Variants in PLSCR1 observed in about 807,000 individuals in gnomAD.
PLSCR1 encodes the protein PL scramblase 1.
Under a neutral mutation model 37.8 loss-of-function variants are expected in PLSCR1, and 17 were observed. That is an observed-to-expected ratio of 0.45 (90% CI 0.31 to 0.68). PLSCR1 has a LOEUF of 0.68. Ranked by LOEUF, PLSCR1 falls within the 30% of genes least tolerant of loss-of-function variation. The probability of loss-of-function intolerance (pLI) is 0.06; values close to 1 mark genes in which losing one functional copy is unlikely to be tolerated. For missense variants in PLSCR1, 347 were observed against 380.9 expected (o/e 0.91, Z 0.74); for synonymous variants, 116 against 125.9 (o/e 0.92, Z 0.53).
intron 5 of PLSCR1, among the ~76,000 whole-genome samples, chr3:146,522,653 C>T (rs1363890793): frequency 6.6e-6 from 1 of 152,144 alleles, no homozygotes; most frequent in Admixed American, 6.5e-5. Flanking sequence ...AGGGAAAGAC[C>T]TGACCGTCCA....
intron 5 of PLSCR1, among the ~76,000 whole-genome samples, chr3:146,524,616 T>C (rs1343761189): frequency 1.3e-5 from 2 of 152,120 alleles, no homozygotes; most frequent in African/African-American, 4.8e-5. Context: ...TTGGATTTTA[T>C]AGCCTTACTA....
chr3:146,518,479 T>A (rs2043975707), intron 7 of PLSCR1, among the ~76,000 whole-genome samples: 1 of 152,296 alleles, frequency 6.6e-6, no homozygotes, highest in South Asian at 2.1e-4. Flanking sequence ...TGTGGTGAAA[T>A]AAACTAATAC....
At chr3:146,542,235 A>G (rs1200863316) in intron 1 of PLSCR1, among the ~76,000 whole-genome samples, 1 of 152,136 alleles carries the variant, frequency 6.6e-6, no homozygotes, top group Non-Finnish European at 1.5e-5. Flanking sequence ...AGTTCCCTCC[A>G]GCCCAGGACT....
rs918720069 is a variant in PLSCR1, at chr3:146,528,515, C to T, written c.312+99G>A. On this transcript the variant is annotated intron_variant, in intron 4 of 8. Transcript: ENST00000342435. The stretch of plus-strand genomic sequence containing the variant: ...TCTGTTAGCAGAAAATACAGTTTTG[C>T]TATTTCAGACTTTGGTGAATTATTC... 1.2e-5 allele frequency: 11 copies of T among 945,376 alleles called. No homozygotes were observed. In the African/African-American group the frequency reaches 1.6e-4, roughly 14 times the overall value. The allele number at this position is 945,376 out of a possible 1,614,324, so 58.6% of individuals were successfully genotyped here.
chr3:146,525,522 T>A (rs2044095269), intron 5 of PLSCR1, 83 bp downstream of exon 5: 1 of 736,624 alleles, frequency 1.4e-6, no homozygotes, highest in Non-Finnish European at 2.4e-6. Flanking sequence ...AGTGAGAGTG[T>A]TATATTTGTG....
intron 3 of PLSCR1, among the ~76,000 whole-genome samples, chr3:146,530,697 A>G (rs971206400): frequency 2.8e-5 from 3 of 108,942 alleles, no homozygotes; most frequent in Non-Finnish European, 6.3e-5. Flanking sequence ...CAGGCGTAAA[A>G]GAGAGAGGAA....
chr3:146,528,958 TAC>T, intron 3 of PLSCR1, 127 bp from the exon 4 acceptor site: 1 of 659,624 alleles, frequency 1.5e-6, no homozygotes. Flanking sequence ...TGATGTTTAA[TAC>T]GCTTTTCTCT....
intron 2 of PLSCR1, among the ~76,000 whole-genome samples, chr3:146,535,057 T>C (rs917181112): frequency 6.6e-6 from 1 of 152,002 alleles, no homozygotes; most frequent in African/African-American, 2.4e-5. Flanking sequence ...CTGACCTAAC[T>C]CCCTAGTTCT....
intron 3 of PLSCR1, among the ~76,000 whole-genome samples, chr3:146,532,910 G>A (rs1297024564): frequency 1.3e-5 from 2 of 151,924 alleles, no homozygotes; most frequent in Admixed American, 1.3e-4. Flanking sequence ...AATACAGGGT[G>A]GAATCAGCAT....
chr3:146,537,205 G>A (rs1179168665), intron 1 of PLSCR1, among the ~76,000 whole-genome samples: 3 of 151,820 alleles, frequency 2.0e-5, no homozygotes, highest in East Asian at 1.9e-4. Context: ...CTTTGTACTC[G>A]GTATTTATAC....
At chr3:146,529,748 C>T (rs926679628) in intron 3 of PLSCR1, among the ~76,000 whole-genome samples, 4 of 152,052 alleles carry the variant, frequency 2.6e-5, no homozygotes, top group South Asian at 2.1e-4. Flanking sequence ...CTCCTGACCT[C>T]GTGATCTGCC....
intron 8 of PLSCR1, chr3:146,516,317 GAT>G (rs1258104811): frequency 5.2e-6 from 2 of 383,144 alleles, no homozygotes; most frequent in African/African-American, 4.2e-5. Flanking sequence ...TTCATTTATT[GAT>G]ACCTGTATGA....
chr3:146,525,618 A>G lies in PLSCR1; in HGVS notation c.342T>C (p.Ile114=), dbSNP rs778214660. 5 of 1,516,422 alleles carry G rather than the reference A, an allele frequency of 3.3e-6. No homozygotes were observed. The allele number at this position is 1,516,422 out of a possible 1,614,324, so 93.9% of individuals were successfully genotyped here. A position where few individuals can be genotyped will look rare whatever the true frequency, so the allele number is the denominator to read the frequency against. Residue 114 remains isoleucine, a synonymous_variant, in exon 5 of 9, where the codon ATT becomes ATC. Transcript: ENST00000342435. ...ATGAATACATACCTTCCAGAAGTTC[A>G]ATTTGCTGATGAATCAGTATCTGAT... ...QIDQILIHQQ[I]ELLEVLTGFE...
At chr3:146,516,664 C>G (rs2043951098) in intron 8 of PLSCR1, 1 of 185,936 alleles carries the variant, frequency 5.4e-6, no homozygotes. Context: ...GTAAAGTTTC[C>G]TTGTTTCACT....
intron 7 of PLSCR1, among the ~76,000 whole-genome samples, chr3:146,517,599 C>CTTA (rs1238232337): frequency 6.6e-6 from 1 of 152,104 alleles, no homozygotes; most frequent in Non-Finnish European, 1.5e-5. Flanking sequence ...GATGAAAAGG[C>CTTA]TTATTACTAC....
intron 4 of PLSCR1, among the ~76,000 whole-genome samples, chr3:146,526,221 A>G (rs967821286): frequency 2.0e-5 from 3 of 150,002 alleles, no homozygotes; most frequent in African/African-American, 7.5e-5. Context: ...AAAAAAAAAG[A>G]AAAGAAAATT....
chr3:146,521,893 G>A lies in PLSCR1; in HGVS notation c.516C>T (p.Val172=). The A allele has an allele frequency of 6.2e-7, 1 of 1,613,934 alleles. No homozygotes were observed. The highest frequency in any genetic ancestry group is 8.5e-7 in the Non-Finnish European group (1 of 1,179,848). The change falls in exon 6 of 9, where the codon GTC becomes GTT. Residue 172 remains valine (V), a synonymous_variant. Transcript: ENST00000342435. ...LRIIDNMGQE[V]ITLERPLRCS... ...ATCTTAGTGGTCTCTCCAGAGTTAT[G>A]ACTTCTTGACCCATATTATCAATAA...
In PLSCR1 at chr3:146,528,608, A is replaced by AAT; in HGVS notation, c.312+4_312+5dup. 4 of 1,607,962 alleles carry AAT rather than the reference A, an allele frequency of 2.5e-6. No homozygotes were observed. Among genetic ancestry groups the AAT allele is most frequent in the Non-Finnish European group, 3.4e-6 (4 of 1,174,344 alleles). On this transcript the variant is annotated splice_donor_region_variant and intron_variant, in intron 4 of 8. Coordinates refer to ENST00000342435, the MANE Select transcript of PLSCR1 (RefSeq NM_021105.3). ...TTTTATGAGTATTTTGTGTCTTTGAAATTACCTGACTTAAATATTCTAATC... is the reference window on the plus strand; with the variant it reads ...TTTTATGAGTATTTTGTGTCTTTGAAATATTACCTGACTTAAATATTCTAATC...
chr3:146,534,308 G>GCTC (rs2108658729), intron 2 of PLSCR1, among the ~76,000 whole-genome samples: 2 of 152,206 alleles, frequency 1.3e-5, no homozygotes, highest in African/African-American at 4.8e-5. Context: ...GGCTACAATG[G>GCTC]CTCTGCTTTC....
Sources: allele counts gnomAD v4.1 joint callset (sites outside exome capture counted in the v4.1 genomes callset), GRCh38; gene constraint gnomAD v4.1.1; transcripts MANE v1.5; gene names NCBI Gene and HGNC (gene_info 2026-07-23, HGNC 2026-07-21).